Variants in STYX observed in about 807,000 individuals in gnomAD.
The protein encoded by STYX is serine/threonine/tyrosine-interacting protein.
Under a neutral mutation model 42.7 loss-of-function variants are expected in STYX, and 20 were observed. That is an observed-to-expected ratio of 0.47 (90% CI 0.33 to 0.68). The LOEUF (loss-of-function observed/expected upper bound fraction) is 0.68. Among genes scored for constraint, STYX ranks in the 30% least tolerant of loss-of-function variants. STYX has a pLI of 0.02. For missense variants in STYX, 226 were observed against 268.5 expected, an observed-to-expected ratio of 0.84 and a Z score of 1.11; for synonymous variants, 78 against 81.9, an observed-to-expected ratio of 0.95 and a Z score of 0.26.
intron 4 of STYX, among the ~76,000 whole-genome samples, chr14:52,756,242 C>G (rs372296788): frequency 2.0e-5 from 3 of 152,126 alleles, no homozygotes; most frequent in African/African-American, 7.2e-5. Flanking sequence ...TCTCGAATCC[C>G]TGGGCTCAAG....
At chr14:52,765,348 G>T (rs1882258825) in intron 9 of STYX, among the ~76,000 whole-genome samples, 1 of 152,120 alleles carries the variant, frequency 6.6e-6, no homozygotes, top group Admixed American at 6.6e-5. Context: ...CTCCTGATTA[G>T]CTGGGATTAC....
chr14:52,752,142 A>G (rs1245921880), intron 4 of STYX, among the ~76,000 whole-genome samples: 1 of 150,764 alleles, frequency 6.6e-6, no homozygotes, highest in East Asian at 2.0e-4. Flanking sequence ...CCTGGGCAAC[A>G]GAGCAAGACA....
intron 1 of STYX, among the ~76,000 whole-genome samples, chr14:52,734,393 A>G (rs1338358396): frequency 1.3e-5 from 2 of 152,108 alleles, no homozygotes; most frequent in African/African-American, 2.4e-5. Context: ...CTTCATCTCC[A>G]TCCCCTCCCA....
chr14:52,739,462 G>A (rs1881094430), intron 1 of STYX, among the ~76,000 whole-genome samples: 1 of 151,840 alleles, frequency 6.6e-6, no homozygotes, highest in African/African-American at 2.4e-5. Flanking sequence ...GACTACTTGA[G>A]AATCTTTTAA....
At position 52,730,400 on chromosome 14, in the gene STYX, C is replaced by T. The variant is rs1469228733; in HGVS notation, c.-75C>T. ...CTCCGCCGGCCCTCCTTCCTTCCGC[C>T]GCCGCAGCCAGCCCGAGGGTCGGCC... On this transcript the variant is annotated 5_prime_UTR_variant, in exon 1 of 11. Transcript: ENST00000354586. The T allele has an allele frequency of 1.3e-6, 2 of 1,538,348 alleles. No homozygotes were observed. Among genetic ancestry groups the T allele is most frequent in the Non-Finnish European group, 1.8e-6 (2 of 1,124,206 alleles).
At chr14:52,730,699 G>T (rs1594859125) in intron 1 of STYX, among the ~76,000 whole-genome samples, 168 bp downstream of exon 1, 1 of 152,210 alleles carries the variant, frequency 6.6e-6, no homozygotes, top group African/African-American at 2.4e-5. Context: ...CCACTGAGTT[G>T]CTCGTCCTCT....
chr14:52,742,110 G>A (rs1364611558), intron 1 of STYX, among the ~76,000 whole-genome samples: 2 of 152,160 alleles, frequency 1.3e-5, no homozygotes, highest in Admixed American at 1.3e-4. Flanking sequence ...CCTCACAAAA[G>A]TAACTGAATT....
Position 52,754,800 on chromosome 14 carries a change from CAG to C in STYX, c.243-1749_243-1748del, listed in dbSNP as rs564036071. On this transcript the variant is annotated intron_variant, in intron 4 of 10. Transcript: ENST00000354586. ...TCATACTATTCATTTCTAATGTGTACAGACTTTTTGTTTTAAATTATAATGTT... is the reference window on the plus strand; with the variant it reads ...TCATACTATTCATTTCTAATGTGTACACTTTTTGTTTTAAATTATAATGTT... Among the ~76,000 whole-genome samples the C allele has an allele frequency of 5.3e-5, 8 of 152,220 alleles. 1 individual carries two copies. In the South Asian group the frequency reaches 1.7e-3, roughly 32 times the overall value.
rs1371439999 is a variant in STYX, at chr14:52,755,680, C to T, written c.243-871C>T. On this transcript the variant is annotated intron_variant, in intron 4 of 10. Coordinates refer to ENST00000354586, the MANE Select transcript of STYX (RefSeq NM_145251.4). The stretch of plus-strand genomic sequence containing the variant: ...AAATTCAGTACAGGTGCTCTCTCAG[C>T]TAGTTTTTTTTTTTTTTTTTTTTCC... Among the ~76,000 whole-genome samples, 9 of 133,290 alleles carry T rather than the reference C, an allele frequency of 6.8e-5. No individual in the cohort carries two copies. In the East Asian group the frequency reaches 2.0e-3, roughly 30 times the overall value. The allele number at this position is 133,290 out of a possible 152,430, so 87.4% of individuals were successfully genotyped here.
chr14:52,740,195 G>T (rs1376696901), intron 1 of STYX, among the ~76,000 whole-genome samples: 1 of 152,150 alleles, frequency 6.6e-6, no homozygotes, highest in Non-Finnish European at 1.5e-5. Context: ...ATAATTGCTT[G>T]AACCTGGGAA....
At chr14:52,759,601 C>T (rs1882013721) in intron 8 of STYX, 81 bp from the exon 9 acceptor site, 2 of 902,972 alleles carry the variant, frequency 2.2e-6, no homozygotes, top group Non-Finnish European at 3.5e-6. Context: ...AACTCATTAC[C>T]CCTCTCTATT....
intron 9 of STYX, among the ~76,000 whole-genome samples, chr14:52,760,896 A>G (rs1227902996): frequency 1.3e-5 from 2 of 152,216 alleles, no homozygotes; most frequent in African/African-American, 4.8e-5. Flanking sequence ...CATCATGGAA[A>G]AATAGAGTAT....
At chr14:52,759,426 CACTT>C in intron 8 of STYX, among the ~76,000 whole-genome samples, 1 of 152,294 alleles carries the variant, frequency 6.6e-6, no homozygotes, top group African/African-American at 2.4e-5. Flanking sequence ...GGCCACTTTA[CACTT>C]ACCTCCTATT....
chr14:52,741,506 C>T (rs560692525), intron 1 of STYX, among the ~76,000 whole-genome samples: 40 of 152,138 alleles, frequency 2.6e-4, no homozygotes, highest in South Asian at 8.3e-4. Flanking sequence ...GGTGCAATCT[C>T]GGCTCACTGC....
At chr14:52,736,633 C>G (rs1461802793) in intron 1 of STYX, among the ~76,000 whole-genome samples, 1 of 152,126 alleles carries the variant, frequency 6.6e-6, no homozygotes, top group Non-Finnish European at 1.5e-5. Flanking sequence ...ACATACATGG[C>G]TGAGGATTCC....
intron 1 of STYX, 98 bp downstream of exon 1, chr14:52,730,629 G>A (rs1432902458): frequency 7.1e-7 from 1 of 1,402,726 alleles, no homozygotes; most frequent in African/African-American, 1.4e-5. Flanking sequence ...CACCTGTACG[G>A]GCGCCCTGCC....
At chr14:52,733,038 G>T (rs1566666713) in intron 1 of STYX, among the ~76,000 whole-genome samples, 1 of 152,162 alleles carries the variant, frequency 6.6e-6, no homozygotes, top group African/African-American at 2.4e-5. Flanking sequence ...TACAAATAAT[G>T]TAGAGGAGTC....
At chr14:52,749,114 C>T (rs1488977823) in intron 3 of STYX, among the ~76,000 whole-genome samples, 6 of 152,286 alleles carry the variant, frequency 3.9e-5, no homozygotes, top group Admixed American at 2.0e-4. Context: ...AGTCATGGTC[C>T]GGCTCTGGTG....
Position 52,768,927 on chromosome 14 carries a change from A to G in STYX, c.592A>G (p.Thr198Ala). The change falls in exon 10 of 11, where the codon ACC becomes GCC. Residue 198 changes from threonine (T) to alanine (A), a missense_variant. Coordinates refer to ENST00000354586, the MANE Select transcript of STYX (RefSeq NM_145251.4). ...AAGGTCATTATCTGTTCATTCTGGT[A>G]CCACAGGTAAGGATTTTTTTCTTTT... ...IERSLSVHSG[T>A]TGSLKRTHEE... The G allele has an allele frequency of 1.3e-6, 2 of 1,570,054 alleles. No individual in the cohort carries two copies. The highest frequency in any genetic ancestry group is 1.7e-6 in the Non-Finnish European group (2 of 1,162,706).
Sources: allele counts gnomAD v4.1 joint callset (sites outside exome capture counted in the v4.1 genomes callset), GRCh38; gene constraint gnomAD v4.1.1; transcripts MANE v1.5; gene names NCBI Gene and HGNC (gene_info 2026-07-23, HGNC 2026-07-21).